Variants in CEP63 observed in about 807,000 individuals in gnomAD.
The protein encoded by CEP63 is centrosomal protein 63, also known as centrosomal protein of 63 kDa.
In CEP63, 84 loss-of-function variants were observed where a neutral mutation model predicts 89.1. The observed-to-expected ratio is 0.94, with a 90% confidence interval of 0.79 to 1.13. The LOEUF is 1.13. CEP63 is among the 50% of genes most tolerant of loss of function. The pLI is 0.00. For synonymous variants in CEP63, 267 were observed against 272.5 expected, an observed-to-expected ratio of 0.98 and a Z score of 0.20; for missense variants, 838 against 813.3, an observed-to-expected ratio of 1.03 and a Z score of -0.37.
chr3:134,763,525 T>A, the CEP63 span, among the ~76,000 whole-genome samples: 1 of 152,132 alleles, frequency 6.6e-6, no homozygotes, highest in East Asian at 1.9e-4. Flanking sequence ...AATACTTTCT[T>A]ATCTTGTTTA....
chr3:134,557,738 G>C (rs1956519366), intron 12 of CEP63, among the ~76,000 whole-genome samples: 1 of 152,058 alleles, frequency 6.6e-6, no homozygotes, highest in Admixed American at 6.6e-5. Context: ...ACAACTTTTT[G>C]TTCAAATTTC....
chr3:134,655,003 C>T, the CEP63 span, among the ~76,000 whole-genome samples: 1 of 152,206 alleles, frequency 6.6e-6, no homozygotes, highest in African/African-American at 2.4e-5. Context: ...GCCAGGCAAA[C>T]CTGTTTCCAG....
At chr3:134,637,238 T>C in the CEP63 span, among the ~76,000 whole-genome samples, 1 of 152,254 alleles carries the variant, frequency 6.6e-6, no homozygotes, top group Non-Finnish European at 1.5e-5. Context: ...ATAATTCAGT[T>C]CTGGTCGTAG....
At chr3:134,764,185 CTAGTCTT>C in the CEP63 span, among the ~76,000 whole-genome samples, 1 of 152,112 alleles carries the variant, frequency 6.6e-6, no homozygotes, top group Non-Finnish European at 1.5e-5. Flanking sequence ...CCTCACATTC[CTAGTCTT>C]TAAAGAAAAT....
chr3:134,522,626 C>A (rs980599468), intron 3 of CEP63, among the ~76,000 whole-genome samples: 1 of 152,138 alleles, frequency 6.6e-6, no homozygotes, highest in Admixed American at 6.6e-5. Context: ...CCTTTACCCT[C>A]CAGTAAGCCT....
chr3:134,740,453 A>G, the CEP63 span, among the ~76,000 whole-genome samples: 1 of 152,020 alleles, frequency 6.6e-6, no homozygotes, highest in East Asian at 1.9e-4. Flanking sequence ...ACCCATTACT[A>G]TGCCCGGCTA....
chr3:134,515,679 T>C (rs924689829), intron 3 of CEP63, among the ~76,000 whole-genome samples: 3 of 152,218 alleles, frequency 2.0e-5, no homozygotes, highest in African/African-American at 7.2e-5. Context: ...AGCTATTAAA[T>C]ATAGGTCCTT....
chr3:134,651,631 C>T, the CEP63 span: 36 of 986,580 alleles, frequency 3.6e-5, no homozygotes, highest in African/African-American at 4.5e-4. Context: ...CCCCCAGTTA[C>T]GGCCCCTGTA....
At chr3:134,675,974 G>A in the CEP63 span, among the ~76,000 whole-genome samples, 1 of 152,172 alleles carries the variant, frequency 6.6e-6, no homozygotes, top group Non-Finnish European at 1.5e-5. Flanking sequence ...GCTTCTGGCT[G>A]TTCCTCAAAA....
At chr3:134,531,698 A>G in intron 3 of CEP63, 147 bp from the exon 4 acceptor site, 1 of 623,538 alleles carries the variant, frequency 1.6e-6, no homozygotes, top group Non-Finnish European at 2.9e-6. Flanking sequence ...TAGGTATTTG[A>G]CTTCCTAAGA....
chr3:134,498,933 G>A (rs1244127249), intron 2 of CEP63, among the ~76,000 whole-genome samples: 7 of 152,136 alleles, frequency 4.6e-5, no homozygotes, highest in African/African-American at 1.7e-4. Context: ...GTTGGATTTG[G>A]TTGGCTAGTA....
chr3:134,545,500 T>C, intron 6 of CEP63, 86 bp from the exon 7 acceptor site: 1 of 970,584 alleles, frequency 1.0e-6, no homozygotes, highest in Non-Finnish European at 1.6e-6. Flanking sequence ...TATGTTTTTA[T>C]GGAAATAATA....
chr3:134,596,264 C>T, the CEP63 span, among the ~76,000 whole-genome samples: 1 of 152,230 alleles, frequency 6.6e-6, no homozygotes, highest in African/African-American at 2.4e-5. Flanking sequence ...CAACCCTCTG[C>T]TACCCACCTT....
chr3:134,544,771 T>G (rs1577252152), intron 6 of CEP63, among the ~76,000 whole-genome samples: 1 of 152,306 alleles, frequency 6.6e-6, no homozygotes, highest in South Asian at 2.1e-4. Flanking sequence ...CAGGTTGCGG[T>G]TGAATTTCTG....
chr3:134,687,040 A>G, the CEP63 span, among the ~76,000 whole-genome samples: 2 of 152,178 alleles, frequency 1.3e-5, no homozygotes, highest in East Asian at 1.9e-4. Context: ...CTTTAGCACA[A>G]TGACAATGCT....
the CEP63 span, chr3:134,610,625 C>T: frequency 2.1e-6 from 1 of 467,238 alleles, no homozygotes; most frequent in Admixed American, 3.8e-5. Context: ...CCGCTGTCTG[C>T]TCCTCCCCTG....
chr3:134,577,769 C>A (rs1958249650), downstream of CEP63, among the ~76,000 whole-genome samples: 1 of 152,108 alleles, frequency 6.6e-6, no homozygotes, highest in South Asian at 2.1e-4. Context: ...TCTCCCTCAT[C>A]TTTCCGTCCA....
chr3:134,697,027 T>C, the CEP63 span, among the ~76,000 whole-genome samples: 1 of 152,222 alleles, frequency 6.6e-6, no homozygotes, highest in African/African-American at 2.4e-5. Context: ...GCACCAGCCC[T>C]TCTTCAAGGA....
At chr3:134,579,712 A>C (rs62271514), downstream of CEP63, among the ~76,000 whole-genome samples, 2 of 152,044 alleles carry the variant, frequency 1.3e-5, no homozygotes, top group Admixed American at 1.3e-4. Flanking sequence ...AGAAGTAAGA[A>C]TATATATCCA....
Sources: allele counts gnomAD v4.1 joint callset (sites outside exome capture counted in the v4.1 genomes callset), GRCh38; gene constraint gnomAD v4.1.1; transcripts MANE v1.5; gene names NCBI Gene and HGNC (gene_info 2026-07-23, HGNC 2026-07-21).